TBC1D22A: variants seen among roughly 807,000 people sequenced by gnomAD.
The protein encoded by TBC1D22A is TBC1 domain family member 22A.
In TBC1D22A, 38 loss-of-function variants were observed where a neutral mutation model predicts 60.2. That is an observed-to-expected ratio of 0.63 (90% CI 0.49 to 0.83). The LOEUF (loss-of-function observed/expected upper bound fraction) is 0.83. Ranked by LOEUF, TBC1D22A falls within the 40% of genes least tolerant of loss-of-function variation. The pLI, the probability that TBC1D22A is intolerant of heterozygous loss-of-function variation, is 0.00. For synonymous variants in TBC1D22A, 302 were observed against 281.7 expected, an observed-to-expected ratio of 1.07 and a Z score of -0.72; for missense variants, 628 against 701.0, an observed-to-expected ratio of 0.90 and a Z score of 1.18.
At chr22:47,072,226 G>A (rs1474350767) in intron 11 of TBC1D22A, among the ~76,000 whole-genome samples, 1 of 152,216 alleles carries the variant, frequency 6.6e-6, no homozygotes, top group Non-Finnish European at 1.5e-5. Flanking sequence ...GGTGCAGGCC[G>A]GTGGAGGATG....
At chr22:46,875,663 G>A (rs1446904165) in intron 4 of TBC1D22A, among the ~76,000 whole-genome samples, 5 of 152,204 alleles carry the variant, frequency 3.3e-5, no homozygotes, top group African/African-American at 1.2e-4. Context: ...TGTTGGCCAG[G>A]CTAGTCTTGA....
At chr22:46,842,817 G>A (rs974580575) in intron 4 of TBC1D22A, among the ~76,000 whole-genome samples, 9 of 152,252 alleles carry the variant, frequency 5.9e-5, no homozygotes, top group African/African-American at 2.2e-4. Context: ...GACAGGTAGG[G>A]ATGTTCCAGA....
intron 11 of TBC1D22A, among the ~76,000 whole-genome samples, chr22:47,064,077 A>G (rs1229791661): frequency 6.6e-6 from 1 of 152,090 alleles, no homozygotes; most frequent in African/African-American, 2.4e-5. Context: ...GCCGTTTTCC[A>G]GGGAGGCCAC....
At chr22:47,048,200 G>A (rs1010998392) in intron 11 of TBC1D22A, among the ~76,000 whole-genome samples, 1 of 152,130 alleles carries the variant, frequency 6.6e-6, no homozygotes, top group African/African-American at 2.4e-5. Context: ...AGGTGTGTGT[G>A]GACCCGTCTT....
intron 11 of TBC1D22A, among the ~76,000 whole-genome samples, chr22:47,105,571 G>A (rs1165085915): frequency 3.3e-5 from 5 of 152,186 alleles, no homozygotes; most frequent in Non-Finnish European, 7.3e-5. Flanking sequence ...CCAGGTTAAA[G>A]GAGAAAGAAA....
At chr22:47,157,028 A>G (rs982207770) in intron 12 of TBC1D22A, among the ~76,000 whole-genome samples, 8 of 152,170 alleles carry the variant, frequency 5.3e-5, no homozygotes, top group African/African-American at 1.4e-4. Flanking sequence ...ACTGGGCCCT[A>G]TGGAGGGGCA....
At chr22:46,888,489 C>A (rs928651093) in intron 5 of TBC1D22A, among the ~76,000 whole-genome samples, 1 of 152,090 alleles carries the variant, frequency 6.6e-6, no homozygotes, top group Admixed American at 6.5e-5. Context: ...TTGTTGTGCC[C>A]GCCATCTGGT....
At chr22:47,156,773 C>T (rs1455295888) in intron 12 of TBC1D22A, among the ~76,000 whole-genome samples, 1 of 152,168 alleles carries the variant, frequency 6.6e-6, no homozygotes, top group African/African-American at 2.4e-5. Context: ...GCGTAGCCAT[C>T]CGGCAGCCCT....
At chr22:46,939,546 C>T (rs983676423) in intron 8 of TBC1D22A, among the ~76,000 whole-genome samples, 6 of 152,108 alleles carry the variant, frequency 3.9e-5, no homozygotes, top group Non-Finnish European at 7.4e-5. Context: ...TTGCTAAAAG[C>T]AATCAAGAGA....
intron 9 of TBC1D22A, among the ~76,000 whole-genome samples, chr22:46,992,257 A>C (rs968411295): frequency 1.3e-5 from 2 of 152,250 alleles, no homozygotes; most frequent in African/African-American, 4.8e-5. Flanking sequence ...CTCCTGGCGG[A>C]GTCACACAGG....
chr22:46,921,239 C>T (rs141539143), intron 8 of TBC1D22A, among the ~76,000 whole-genome samples: 358 of 152,250 alleles, frequency 2.4e-3, no homozygotes, highest in Admixed American at 3.8e-3. Context: ...ACCCTCCTCC[C>T]GCTCTCCACC....
At chr22:47,091,460 CGAGAAG>C (rs2064969902) in intron 11 of TBC1D22A, among the ~76,000 whole-genome samples, 6 of 135,310 alleles carry the variant, frequency 4.4e-5, no homozygotes, top group Admixed American at 1.6e-4. Context: ...GAGACAGGCA[CGAGAAG>C]TCGTCTTTGC....
intron 8 of TBC1D22A, among the ~76,000 whole-genome samples, chr22:46,960,537 C>T (rs1185378616): frequency 6.6e-6 from 1 of 152,176 alleles, no homozygotes; most frequent in African/African-American, 2.4e-5. Flanking sequence ...GCTGGGATTA[C>T]AGGTGTGAGG....
chr22:46,978,645 TCTC>T (rs1390176893), intron 9 of TBC1D22A, among the ~76,000 whole-genome samples: 3 of 152,080 alleles, frequency 2.0e-5, no homozygotes, highest in East Asian at 3.9e-4. Flanking sequence ...GGAGATGAAG[TCTC>T]CTCCAGGCTG....
intron 12 of TBC1D22A, among the ~76,000 whole-genome samples, chr22:47,153,408 A>T (rs1309019756): frequency 6.6e-6 from 1 of 152,016 alleles, no homozygotes; most frequent in African/African-American, 2.4e-5. Flanking sequence ...GTTGAGTGGT[A>T]CTTGGCAGCC....
Position 46,935,789 on chromosome 22 carries a change from T to TCTGAACC in TBC1D22A, c.1015+23603_1015+23609dup, listed in dbSNP as rs1403119501. Among the ~76,000 whole-genome samples the TCTGAACC allele has an allele frequency of 4.6e-5, 7 of 150,834 alleles. No individual in the cohort carries two copies. In the South Asian group the frequency reaches 8.5e-4, roughly 18 times the overall value. ...CTGTCTCCTGGGCCCTCCTCTGAAC[T>TCTGAACC]CTGAACCCATGTCTCTGTAGCCTTT... On this transcript the variant is annotated intron_variant, in intron 8 of 12. Transcript: ENST00000337137.
At chr22:47,039,760 A>G (rs867061812) in intron 11 of TBC1D22A, among the ~76,000 whole-genome samples, 4 of 151,292 alleles carry the variant, frequency 2.6e-5, no homozygotes, top group African/African-American at 7.3e-5. Context: ...TTGTAAAGAA[A>G]AGAGGTTTAA....
chr22:46,935,442 T>TC (rs2071591120), intron 8 of TBC1D22A, among the ~76,000 whole-genome samples: 1 of 151,890 alleles, frequency 6.6e-6, no homozygotes, highest in Middle Eastern at 3.2e-3. Context: ...GCACCCCCAC[T>TC]CCCCCGCAGC....
At chr22:47,133,102 T>G (rs887448756) in intron 12 of TBC1D22A, among the ~76,000 whole-genome samples, 1 of 152,262 alleles carries the variant, frequency 6.6e-6, no homozygotes, top group African/African-American at 2.4e-5. Context: ...TGTAACAGCC[T>G]ATCCACTTCA....
Sources: gnomAD v4.1 joint callset for allele counts (sites outside exome capture counted in the v4.1 genomes callset) on GRCh38, gnomAD v4.1.1 for gene constraint, MANE v1.5 for transcripts, NCBI Gene and HGNC (gene_info 2026-07-23, HGNC 2026-07-21) for gene names.